The following CTNNA2 variants were observed in gnomAD, a reference collection of about 807,000 sequenced individuals.
The protein encoded by CTNNA2 is catenin alpha 2.
CTNNA2 carries 42 observed loss-of-function variants against 101.0 expected under a neutral mutation model. That is an observed-to-expected ratio of 0.42 (90% confidence interval 0.32 to 0.54). The LOEUF (loss-of-function observed/expected upper bound fraction) is 0.54, where lower values mean the gene tolerates loss of function less well. CTNNA2 is among the 20% of genes least tolerant of loss of function. CTNNA2 has a pLI of 0.14. For missense variants in CTNNA2, 871 were observed against 1,223.1 expected (o/e 0.71, Z 4.29); for synonymous variants, 450 against 456.4 (o/e 0.99, Z 0.18).
At chr2:79,654,397 C>G (rs1336740766) in intron 2 of CTNNA2, among the ~76,000 whole-genome samples, 1 of 152,122 alleles carries the variant, frequency 6.6e-6, no homozygotes, top group African/African-American at 2.4e-5. Flanking sequence ...GCATCTAGTT[C>G]CTTGCCTGTT....
intron 7 of CTNNA2, among the ~76,000 whole-genome samples, chr2:79,923,508 T>G (rs1686814038): frequency 6.6e-6 from 1 of 152,200 alleles, no homozygotes; most frequent in South Asian, 2.1e-4. Flanking sequence ...TGTTTGGATA[T>G]GTGTATAAAT....
intron 7 of CTNNA2, among the ~76,000 whole-genome samples, chr2:80,148,831 T>A (rs1192725147): frequency 6.6e-6 from 1 of 152,138 alleles, no homozygotes; most frequent in South Asian, 2.1e-4. Context: ...ACCACTGGAC[T>A]CCTCTGTGCC....
intron 7 of CTNNA2, among the ~76,000 whole-genome samples, chr2:80,010,996 A>T (rs1359643339): frequency 1.3e-5 from 2 of 152,092 alleles, no homozygotes; most frequent in Non-Finnish European, 2.9e-5. Context: ...GAATATCACC[A>T]CTATAATCCT....
chr2:79,925,515 T>A (rs990846975), intron 7 of CTNNA2, among the ~76,000 whole-genome samples: 4 of 152,134 alleles, frequency 2.6e-5, no homozygotes, highest in African/African-American at 9.7e-5. Context: ...CACCAAATAA[T>A]TCTTACTAAT....
chr2:79,524,326 C>T (rs1672280443), intron 1 of CTNNA2, among the ~76,000 whole-genome samples: 1 of 151,534 alleles, frequency 6.6e-6, no homozygotes, highest in Admixed American at 6.6e-5. Flanking sequence ...GTTTTTATTA[C>T]CGTTGGGAAA....
At chr2:79,854,283 A>G (rs1419021396) in intron 3 of CTNNA2, among the ~76,000 whole-genome samples, 1 of 152,214 alleles carries the variant, frequency 6.6e-6, no homozygotes, top group East Asian at 1.9e-4. Context: ...TGCATTTTGG[A>G]TGCTTGAAGT....
intron 18 of CTNNA2, among the ~76,000 whole-genome samples, chr2:80,643,357 A>C (rs1302638883): frequency 6.6e-6 from 1 of 152,124 alleles, no homozygotes; most frequent in Non-Finnish European, 1.5e-5. Flanking sequence ...TCTAAGTCTC[A>C]ATTGGTCAAG....
Position 79,975,469 on chromosome 2 carries a change from G to A in CTNNA2, c.1056+65672G>A, listed in dbSNP as rs79814959. On this transcript the variant is annotated intron_variant, in intron 7 of 18. Transcript: ENST00000402739. ...CAGACACCAGCTGGGTGTCCTCTAC[G>A]TCAATTCGGTTCTGACCTAGAGGTA... Among the ~76,000 whole-genome samples the A allele has an allele frequency of 5.2e-3, 791 of 152,154 alleles. 19 individuals carry two copies. In the East Asian group the frequency reaches 0.067, roughly 13 times the overall value.
At chr2:79,797,347 G>A (rs1288947652) in intron 3 of CTNNA2, among the ~76,000 whole-genome samples, 2 of 152,068 alleles carry the variant, frequency 1.3e-5, no homozygotes, top group Non-Finnish European at 2.9e-5. Context: ...GTTTAAATGG[G>A]AGACTTCAGC....
At chr2:80,591,457 G>GTTTTTCTTTTTTTTTTTTTTTTTTTTTTT (rs1696486523) in intron 15 of CTNNA2, among the ~76,000 whole-genome samples, 1 of 70,314 alleles carries the variant, frequency 1.4e-5, no homozygotes, top group African/African-American at 4.6e-5. Flanking sequence ...TGCACAGCCT[G>GTTTTTCTTTTTTTTTTTTTTTTTTTTTTT]TTTTTTTTTT....
intron 2 of CTNNA2, among the ~76,000 whole-genome samples, chr2:79,235,181 A>G (rs1184505091): frequency 2.0e-5 from 3 of 152,180 alleles, no homozygotes; most frequent in Non-Finnish European, 4.4e-5. Context: ...ATGTGGATTG[A>G]GTATACTCAG....
chr2:79,474,489 A>T (rs913214300), intron 4 of CTNNA2, among the ~76,000 whole-genome samples: 8 of 152,222 alleles, frequency 5.3e-5, no homozygotes, highest in African/African-American at 1.7e-4. Context: ...GCTAGGAGTT[A>T]AAAAGGAAGC....
intron 3 of CTNNA2, among the ~76,000 whole-genome samples, chr2:79,315,111 CTCT>C (rs1405609774): frequency 1.3e-5 from 2 of 152,050 alleles, no homozygotes; most frequent in African/African-American, 2.4e-5. Context: ...CTTGTTTTCT[CTCT>C]TCTTCTTCCT....
chr2:79,477,651 GA>G (rs1161161741), intron 4 of CTNNA2, among the ~76,000 whole-genome samples: 6 of 152,214 alleles, frequency 3.9e-5, no homozygotes, highest in Non-Finnish European at 7.3e-5. Context: ...TGGTGGCCCA[GA>G]AGTCAAGAAT....
At chr2:80,131,276 C>T (rs1453583147) in intron 7 of CTNNA2, among the ~76,000 whole-genome samples, 1 of 152,000 alleles carries the variant, frequency 6.6e-6, no homozygotes, top group Admixed American at 6.5e-5. Flanking sequence ...CCAGGCTGGT[C>T]TCGAACTCCT....
chr2:79,659,431 G>GTGGCA (rs148446455), intron 2 of CTNNA2, among the ~76,000 whole-genome samples: 6,047 of 151,968 alleles, frequency 0.04, 379 homozygotes, highest in African/African-American at 0.14. Context: ...GGTTTCTATG[G>GTGGCA]TGGCACTACA....
intron 12 of CTNNA2, among the ~76,000 whole-genome samples, chr2:80,560,730 C>T (rs562111112): frequency 2.6e-4 from 39 of 152,246 alleles, no homozygotes; most frequent in African/African-American, 9.4e-4. Flanking sequence ...AAATATAGCT[C>T]TAGTCTCAGT....
At position 79,603,867 on chromosome 2, in the gene CTNNA2, C is replaced by T. The variant is rs1430506611; in HGVS notation, c.-5-47685C>T. ...CCCACAAGTTTGTCCTGATTTGAGC[C>T]AGGGAGCTGGGCTTTCTTACTCTGC... On this transcript the variant is annotated intron_variant, in intron 1 of 18. Coordinates refer to ENST00000402739, the MANE Select transcript of CTNNA2 (RefSeq NM_001282597.3). Among the ~76,000 whole-genome samples, 6 of 152,250 alleles carry T rather than the reference C, an allele frequency of 3.9e-5. No homozygotes were observed. In the East Asian group the frequency reaches 1.2e-3, roughly 29 times the overall value.
At chr2:80,098,532 C>G (rs920228065) in intron 7 of CTNNA2, among the ~76,000 whole-genome samples, 15 of 152,260 alleles carry the variant, frequency 9.9e-5, no homozygotes, top group Non-Finnish European at 2.1e-4. Context: ...CTCTTCAAAG[C>G]TGTCAGACAG....
Sources: allele counts gnomAD v4.1 joint callset (sites outside exome capture counted in the v4.1 genomes callset), GRCh38; gene constraint gnomAD v4.1.1; transcripts MANE v1.5; gene names NCBI Gene and HGNC (gene_info 2026-07-23, HGNC 2026-07-21).